Variants in ROS1 observed in about 807,000 individuals in gnomAD.
ROS1 encodes the protein proto-oncogene tyrosine-protein kinase ROS.
Under a neutral mutation model 273.5 loss-of-function variants are expected in ROS1, and 263 were observed. The ratio of observed to expected loss-of-function variants is 0.96; its 90% CI spans 0.87 to 1.06. The LOEUF is 1.06. Ranked by LOEUF, ROS1 falls within the 50% of genes least tolerant of loss-of-function variation. ROS1 has a pLI of 0.00. For missense variants in ROS1, 2,833 were observed against 2,751.1 expected (o/e 1.03, Z -0.67); for synonymous variants, 1,008 against 954.1 (o/e 1.06, Z -1.04).
rs1393239973 is a variant in ROS1 at position 117,311,075 on chromosome 6, A to G, written c.6160T>C (p.Cys2054Arg). 1 of 1,611,874 alleles carries G rather than the reference A, an allele frequency of 6.2e-7. No individual in the cohort carries two copies. Among genetic ancestry groups the G allele is most frequent in the Non-Finnish European group, 8.5e-7 (1 of 1,178,874 alleles). ...ACACAGCCTTTTGAAATATCTACACACAGGTCTACAAGGTCAACCAAGGTG... is the reference window on the plus strand; with the variant it reads ...ACACAGCCTTTTGAAATATCTACACGCAGGTCTACAAGGTCAACCAAGGTG... Reference protein sequence around the residue: ...LLTLVDLVDLCVDISKGCVYL... With the variant: ...LLTLVDLVDLRVDISKGCVYL... Residue 2054 changes from cysteine (C) to arginine (R), a missense_variant, in exon 40 of 44, where the codon TGT becomes CGT. Cys to Arg is a radical substitution (Grantham distance 180, BLOSUM62 -3). Transcript: ENST00000368507.
intron 32 of ROS1, among the ~76,000 whole-genome samples, chr6:117,332,091 A>T (rs1181665039): frequency 6.6e-6 from 1 of 151,954 alleles, no homozygotes; most frequent in Non-Finnish European, 1.5e-5. Flanking sequence ...TATTCAGGAG[A>T]TCTATCTTAC....
chr6:117,398,202 T>C (rs537342520), intron 7 of ROS1, among the ~76,000 whole-genome samples: 16 of 152,248 alleles, frequency 1.1e-4, no homozygotes, highest in African/African-American at 3.9e-4. Context: ...CCAAATGTGA[T>C]CTTCCACCAT....
chr6:117,310,240 T>C lies in ROS1; in HGVS notation c.6257A>G (p.Tyr2086Cys). The C allele has an allele frequency of 6.2e-7, 1 of 1,612,442 alleles. No individual in the cohort carries two copies. ...ARNCLVSVKD[Y>C]TSPRIVKIGD... ...AATCTTCACTATCCGTGGACTGGTA[T>C]AGTCTTTCACGGAAACAAGGCAATT... Residue 2086 changes from tyrosine (Y) to cysteine (C), a missense_variant, in exon 41 of 44, where the codon TAT (tyrosine) becomes TGT (cysteine). By Grantham distance (194) the Tyr-to-Cys change is radical. Coordinates refer to ENST00000368507, the MANE Select transcript of ROS1 (RefSeq NM_001378902.1).
chr6:117,367,966 G>T (rs1401222156), intron 18 of ROS1, among the ~76,000 whole-genome samples: 1 of 152,038 alleles, frequency 6.6e-6, no homozygotes, highest in Non-Finnish European at 1.5e-5. Context: ...CCTACTCTTG[G>T]TTAGTCATCT....
At chr6:117,382,317 C>T (rs1772220662) in intron 17 of ROS1, among the ~76,000 whole-genome samples, 1 of 151,844 alleles carries the variant, frequency 6.6e-6, no homozygotes, top group Admixed American at 6.6e-5. Flanking sequence ...TTTAAATATC[C>T]TAGGAATTAT....
At chr6:117,409,724 G>T in intron 4 of ROS1, 82 bp from the exon 5 acceptor site, 2 of 1,055,546 alleles carry the variant, frequency 1.9e-6, no homozygotes, top group South Asian at 1.3e-5. Context: ...TTTAAAATCC[G>T]AATGCCTAAT....
intron 43 of ROS1, among the ~76,000 whole-genome samples, chr6:117,295,287 G>A (rs1774143939): frequency 6.6e-6 from 1 of 152,172 alleles, no homozygotes; most frequent in Non-Finnish European, 1.5e-5. Flanking sequence ...ATATCCATAT[G>A]TAGAAGAATA....
At position 117,383,525 on chromosome 6, in the gene ROS1, T is replaced by C; in HGVS notation, c.2290-17A>G. ...CCTTTGTATCTAAAAAACATAATTGTATGGCCAGTTAATGGCTTTCAAGTG... is the reference window on the plus strand; with the variant it reads ...CCTTTGTATCTAAAAAACATAATTGCATGGCCAGTTAATGGCTTTCAAGTG... On this transcript the variant is annotated splice_polypyrimidine_tract_variant and intron_variant, in intron 16 of 43. Transcript: ENST00000368507. The C allele has an allele frequency of 1.3e-6, 2 of 1,582,848 alleles. No individual in the cohort carries two copies. The highest frequency in any genetic ancestry group is 1.7e-6 in the Non-Finnish European group (2 of 1,151,774).
At chr6:117,344,933 C>T (rs1172287836) in intron 27 of ROS1, among the ~76,000 whole-genome samples, 1 of 152,202 alleles carries the variant, frequency 6.6e-6, no homozygotes, top group Non-Finnish European at 1.5e-5. Context: ...CTCGAAAAAT[C>T]GCAGATCTGT....
chr6:117,365,760 A>C lies in ROS1; in HGVS notation c.2798-19T>G. The stretch of plus-strand genomic sequence containing the variant: ...AAGTTCCCTACAGGATGAAACAAAA[A>C]AAAGAAATAGGAGAAAAAAATGGGG... On this transcript the variant is annotated intron_variant, in intron 19 of 43. Coordinates refer to ENST00000368507, the MANE Select transcript of ROS1 (RefSeq NM_001378902.1). 3 of 1,514,680 alleles carry C rather than the reference A, an allele frequency of 2.0e-6. No homozygotes were observed. Among genetic ancestry groups the C allele is most frequent in the Non-Finnish European group, 2.6e-6 (3 of 1,135,250 alleles). 93.8% of individuals were successfully genotyped at this position (1,514,680 alleles called of 1,614,324 possible). A position where few individuals can be genotyped will look rare whatever the true frequency, so the allele number is the denominator to read the frequency against.
At chr6:117,327,484 AAAG>A (rs1337325283) in intron 33 of ROS1, among the ~76,000 whole-genome samples, 2 of 152,212 alleles carry the variant, frequency 1.3e-5, no homozygotes, top group Non-Finnish European at 2.9e-5. Context: ...TTGAGAAAAG[AAAG>A]AAGAATTCTG....
At chr6:117,397,963 C>T (rs913057579) in intron 7 of ROS1, among the ~76,000 whole-genome samples, 2 of 152,158 alleles carry the variant, frequency 1.3e-5, no homozygotes, top group Non-Finnish European at 2.9e-5. Flanking sequence ...TTGGCAAATG[C>T]TCTGCATCAC....
In ROS1 at chr6:117,409,492, T is replaced by A. The variant is rs1582880437; in HGVS notation, c.316+90A>T. ...TCATATTGAGATGCAGAAATCAAGA[T>A]GTTTTGAGAGGTGTTTCGTTATCTT... On this transcript the variant is annotated intron_variant, in intron 5 of 43. Coordinates refer to ENST00000368507, the MANE Select transcript of ROS1 (RefSeq NM_001378902.1). The A allele has an allele frequency of 2.3e-5, 20 of 876,082 alleles. No homozygotes were observed. The Middle Eastern group carries it at 1.1e-3, about 48-fold the overall frequency. 54.3% of individuals were successfully genotyped at this position (876,082 alleles called of 1,614,324 possible).
chr6:117,347,123 T>C (rs746493723), intron 27 of ROS1, among the ~76,000 whole-genome samples: 2 of 152,142 alleles, frequency 1.3e-5, no homozygotes, highest in Non-Finnish European at 2.9e-5. Context: ...GGATTTTCAT[T>C]GGGATTTTAT....
Position 117,349,152 on chromosome 6 carries a change from T to G in ROS1, c.4303+3838A>C, listed in dbSNP as rs117659790. ...CCTTAGTGATTTTTTTTCTGCTGGATTTGCCCATTTCTGATAGATGTCGTG... is the reference window on the plus strand; with the variant it reads ...CCTTAGTGATTTTTTTTCTGCTGGAGTTGCCCATTTCTGATAGATGTCGTG... On this transcript the variant is annotated intron_variant, in intron 27 of 43. Coordinates refer to ENST00000368507, the MANE Select transcript of ROS1 (RefSeq NM_001378902.1). 5.9e-4 allele frequency among the ~76,000 whole-genome samples: 89 copies of G among 152,080 alleles called. 1 individual carries two copies. In the East Asian group the frequency reaches 0.016, roughly 27 times the overall value.
At chr6:117,350,310 C>T (rs1041486436) in intron 27 of ROS1, among the ~76,000 whole-genome samples, 3 of 151,858 alleles carry the variant, frequency 2.0e-5, no homozygotes, top group African/African-American at 7.3e-5. Flanking sequence ...TTTTACTTTT[C>T]TCTCTTCTTG....
intron 1 of ROS1, among the ~76,000 whole-genome samples, chr6:117,423,735 A>C (rs1775932968): frequency 6.6e-6 from 1 of 152,076 alleles, no homozygotes; most frequent in Non-Finnish European, 1.5e-5. Context: ...TCTCAATATC[A>C]AGAATCACCC....
Position 117,341,597 on chromosome 6 carries a change from G to T in ROS1, c.4687C>A (p.Arg1563=), listed in dbSNP as rs199762082. The T allele has an allele frequency of 6.2e-7, 1 of 1,613,380 alleles. No individual in the cohort carries two copies. The highest frequency in any genetic ancestry group is 8.5e-7 in the Non-Finnish European group (1 of 1,179,514). The change falls in exon 30 of 44, where the codon CGG becomes AGG. Residue 1563 remains arginine (R), a synonymous_variant. Transcript: ENST00000368507. The stretch of plus-strand genomic sequence containing the variant: ...GATATAATGAGGCTGGTGTCTGACC[G>T]CACAGTTGTATTAATGAGCTGCACT... The part of the protein sequence containing the change: ...EAVQLINTTV[R]SDTSLIISWR...
chr6:117,316,121 A>G (rs1775900604), intron 39 of ROS1, among the ~76,000 whole-genome samples: 1 of 152,116 alleles, frequency 6.6e-6, no homozygotes, highest in East Asian at 1.9e-4. Flanking sequence ...TGAGGCAAGC[A>G]AAGTTTTCCT....
Sources: allele counts gnomAD v4.1 joint callset (sites outside exome capture counted in the v4.1 genomes callset), GRCh38; gene constraint gnomAD v4.1.1; transcripts MANE v1.5; gene names NCBI Gene and HGNC (gene_info 2026-07-23, HGNC 2026-07-21).